The following IGHMBP2 variants were observed in gnomAD, a reference collection of about 807,000 sequenced individuals.
IGHMBP2 encodes immunoglobulin mu DNA binding protein 2, also known as DNA-binding protein SMUBP-2.
IGHMBP2 carries 81 observed loss-of-function variants against 96.0 expected under a neutral mutation model. The observed-to-expected ratio is 0.84, with a 90% CI of 0.71 to 1.01. The LOEUF (loss-of-function observed/expected upper bound fraction) is 1.01. Among genes scored for constraint, IGHMBP2 ranks in the 50% least tolerant of loss-of-function variants. The pLI is 0.00. For synonymous variants in IGHMBP2, 557 were observed against 548.9 expected (o/e 1.01, Z -0.21); for missense variants, 1,227 against 1,306.3 (o/e 0.94, Z 0.94).
chr11:68,917,166 A>G (rs1376852467), intron 6 of IGHMBP2, among the ~76,000 whole-genome samples: 1 of 151,578 alleles, frequency 6.6e-6, no homozygotes, highest in Non-Finnish European at 1.5e-5. Flanking sequence ...TTTAGTAGAG[A>G]CAGCGTTTCA....
intron 4 of IGHMBP2, 76 bp from the exon 5 acceptor site, chr11:68,911,364 G>T: frequency 6.8e-7 from 1 of 1,478,890 alleles, no homozygotes; most frequent in Non-Finnish European, 9.4e-7. Context: ...ATCCCCCGGG[G>T]CACACACTCT....
intron 14 of IGHMBP2, among the ~76,000 whole-genome samples, chr11:68,939,110 G>A (rs1042983676): frequency 4.6e-5 from 7 of 152,186 alleles, no homozygotes; most frequent in Admixed American, 3.9e-4. Flanking sequence ...TAGAGTGTGA[G>A]GCAGATGGCT....
At position 68,938,283 on chromosome 11, in the gene IGHMBP2, G is replaced by C; in HGVS notation, c.2713G>C (p.Gly905Arg). The C allele has an allele frequency of 6.2e-7, 1 of 1,613,656 alleles. No homozygotes were observed. Among genetic ancestry groups the C allele is most frequent in the South Asian group, 1.1e-5 (1 of 91,060 alleles). ...NTCGFAKCTA[G>R]VTTLGQFCQL... ...CTGCGGCTTTGCCAAGTGCACAGCC[G>C]GCGTCACAACCCTGGGCCAGTTCTG... Residue 905 changes from glycine (G) to arginine (R), a missense_variant, in exon 14 of 15, where the codon GGC becomes CGC. This residue lies in a region of IGHMBP2 where 703 missense variants were observed against 770.3 expected (regional missense o/e 0.91). Transcript: ENST00000255078.
rs140654955 is a variant in IGHMBP2 at position 68,933,353 on chromosome 11, C to T, written c.1290C>T (p.Tyr430=). ...TGATGGAACGCCTGGCTGAGGAGTACGGCGCGAGGGTGGTGCGGACACTGA... is the reference window on the plus strand; with the variant it reads ...TGATGGAACGCCTGGCTGAGGAGTATGGCGCGAGGGTGGTGCGGACACTGA... The part of the protein sequence containing the change: ...LSLMERLAEE[Y]GARVVRTLTV... The change falls in exon 9 of 15, where the codon TAC becomes TAT. Residue 430 remains tyrosine, a synonymous_variant. Coordinates refer to ENST00000255078, the MANE Select transcript of IGHMBP2 (RefSeq NM_002180.3). 1,449 of 1,613,076 alleles carry T rather than the reference C, an allele frequency of 9.0e-4. 2 individuals carry two copies. The highest frequency in any genetic ancestry group is 1.1e-3 in the Non-Finnish European group (1,320 of 1,179,872).
At chr11:68,922,456 C>T (rs371941216) in intron 7 of IGHMBP2, among the ~76,000 whole-genome samples, 26 of 151,982 alleles carry the variant, frequency 1.7e-4, no homozygotes, top group Admixed American at 1.2e-3. Context: ...AGTGCCGTGG[C>T]GCAATCTTGG....
At chr11:68,920,112 G>T (rs762147888) in intron 7 of IGHMBP2, among the ~76,000 whole-genome samples, 10 of 152,164 alleles carry the variant, frequency 6.6e-5, no homozygotes, top group Non-Finnish European at 1.3e-4. Flanking sequence ...CTGTTTCTAA[G>T]AATTTTATTA....
At position 68,938,319 on chromosome 11, in the gene IGHMBP2, AGCC is replaced by A. The variant is rs777482401; in HGVS notation, c.2755_2757del (p.Arg919del). ...CCTGGGCCAGTTCTGCCAGCTCTGC[AGCC>A]GCCGCTACTGCCTCAGCCACCACCT... On this transcript the variant is annotated inframe_deletion, in exon 14 of 15. Coordinates refer to ENST00000255078, the MANE Select transcript of IGHMBP2 (RefSeq NM_002180.3). 1 of 1,610,166 alleles carries A rather than the reference AGCC, an allele frequency of 6.2e-7. No homozygotes were observed. Among genetic ancestry groups the A allele is most frequent in the Non-Finnish European group, 8.5e-7 (1 of 1,179,294 alleles).
At position 68,904,035 on chromosome 11, in the gene IGHMBP2, G is replaced by A. The variant is rs892885630; in HGVS notation, c.83G>A (p.Arg28His). ...GAGAGAGACGCGGAGGTGGAGGAGC[G>A]CAGGTACGGGAGGCCGCCGGCGCCG... is the stretch of plus-strand genomic sequence containing the variant. ...ELERDAEVEE[R>H]RSWQENISLK... The change falls in exon 1 of 15, where the codon CGC (arginine) becomes CAC (histidine). Residue 28 changes from arginine (R) to histidine (H), a missense_variant. This residue lies in a region of IGHMBP2 where 507 missense variants were observed against 496.9 expected (regional missense o/e 1.02). Coordinates refer to ENST00000255078, the MANE Select transcript of IGHMBP2 (RefSeq NM_002180.3). 6 of 1,549,006 alleles carry A rather than the reference G, an allele frequency of 3.9e-6. No homozygotes were observed. The highest frequency in any genetic ancestry group is 5.2e-6 in the Non-Finnish European group (6 of 1,146,108).
chr11:68,916,259 G>C (rs1201722492), intron 6 of IGHMBP2, among the ~76,000 whole-genome samples: 2 of 152,118 alleles, frequency 1.3e-5, no homozygotes, highest in African/African-American at 4.8e-5. Context: ...AAAGTAGCCT[G>C]AACATAAACA....
chr11:68,933,108 G>A, intron 8 of IGHMBP2, 191 bp from the exon 9 acceptor site: 1 of 623,276 alleles, frequency 1.6e-6, no homozygotes, highest in Non-Finnish European at 2.9e-6. Flanking sequence ...ACATTCACGG[G>A]CCTTGGCGAT....
intron 11 of IGHMBP2, 90 bp downstream of exon 11, chr11:68,934,648 G>A (rs2154008719): frequency 9.4e-7 from 1 of 1,066,000 alleles, no homozygotes; most frequent in African/African-American, 1.6e-5. Flanking sequence ...GTTGGCTGTG[G>A]TGACCGAAAA....
At chr11:68,919,529 G>GAA (rs1477167524) in intron 7 of IGHMBP2, among the ~76,000 whole-genome samples, 1 of 152,232 alleles carries the variant, frequency 6.6e-6, no homozygotes, top group Non-Finnish European at 1.5e-5. Flanking sequence ...TTATGGTCCA[G>GAA]AATCTGGTCT....
At chr11:68,928,081 C>T (rs1042758293) in intron 7 of IGHMBP2, among the ~76,000 whole-genome samples, 6 of 152,216 alleles carry the variant, frequency 3.9e-5, no homozygotes, top group African/African-American at 9.6e-5. Context: ...TTGTTGCTTT[C>T]GTGGAGGAGA....
Position 68,938,326 on chromosome 11 carries a change from G to C in IGHMBP2, c.2756G>C (p.Arg919Pro), listed in dbSNP as rs148605058. 1.9e-5 allele frequency: 30 copies of C among 1,611,506 alleles called. No homozygotes were observed. The highest frequency in any genetic ancestry group is 2.5e-5 in the Non-Finnish European group (29 of 1,179,580). ...CAGTTCTGCCAGCTCTGCAGCCGCC[G>C]CTACTGCCTCAGCCACCACCTGCCC... ...LGQFCQLCSR[R>P]YCLSHHLPEI... is the part of the protein sequence containing the mutation. The change falls in exon 14 of 15, where the codon CGC becomes CCC. Residue 919 changes from arginine to proline, a missense_variant. Arg to Pro is a moderately radical substitution (Grantham distance 103). Coordinates refer to ENST00000255078, the MANE Select transcript of IGHMBP2 (RefSeq NM_002180.3).
rs1470271114 is a variant in IGHMBP2, at chr11:68,936,885, C to T, written c.2405C>T (p.Pro802Leu). Reference protein sequence around the residue: ...ALGPPAGTGGPAPLQPVPPTP... With the variant: ...ALGPPAGTGGLAPLQPVPPTP... ...GGACCCCCAGCAGGGACCGGTGGCC[C>T]AGCCCCTCTCCAGCCAGTGCCCCCT... The change falls in exon 13 of 15, where the codon CCA becomes CTA. Residue 802 changes from proline to leucine, a missense_variant. Physicochemically the swap from Pro to Leu is moderately conservative, Grantham distance 98. Transcript: ENST00000255078. 1 of 1,610,128 alleles carries T rather than the reference C, an allele frequency of 6.2e-7. No individual in the cohort carries two copies. The highest frequency in any genetic ancestry group is 1.1e-5 in the South Asian group (1 of 90,788).
chr11:68,915,575 C>CG (rs1434069387), intron 6 of IGHMBP2, among the ~76,000 whole-genome samples: 2 of 151,934 alleles, frequency 1.3e-5, no homozygotes, highest in African/African-American at 2.4e-5. Context: ...CTCCGCCTCC[C>CG]GGGGTCAAGT....
chr11:68,923,139 G>T (rs559917604), intron 7 of IGHMBP2, among the ~76,000 whole-genome samples: 1 of 151,932 alleles, frequency 6.6e-6, no homozygotes, highest in Non-Finnish European at 1.5e-5. Flanking sequence ...GGACATTGAG[G>T]ATTTTACGTT....
intron 10 of IGHMBP2, 147 bp from the exon 11 acceptor site, chr11:68,934,317 G>A (rs1223177551): frequency 1.4e-6 from 1 of 706,024 alleles, no homozygotes; most frequent in East Asian, 2.7e-5. Flanking sequence ...TGGGGCCCTG[G>A]GACACAGATG....
chr11:68,933,194 G>C, intron 8 of IGHMBP2, 105 bp from the exon 9 acceptor site: 1 of 1,171,352 alleles, frequency 8.5e-7, no homozygotes. Flanking sequence ...ATCCAGGGGA[G>C]AGTTGGGTCC....
Sources: allele counts gnomAD v4.1 joint callset (sites outside exome capture counted in the v4.1 genomes callset), GRCh38; gene constraint gnomAD v4.1.1; regional missense constraint gnomAD v4.1.1; transcripts MANE v1.5; gene names NCBI Gene and HGNC (gene_info 2026-07-23, HGNC 2026-07-21).